GMDS: variants seen among roughly 807,000 people sequenced by gnomAD.
GMDS encodes the protein GDP-mannose 4,6-dehydratase.
In GMDS, 20 loss-of-function variants were observed where a neutral mutation model predicts 49.9. The observed-to-expected ratio is 0.40, with a 90% CI of 0.28 to 0.58. The LOEUF is 0.58. Ranked by LOEUF, GMDS falls within the 20% of genes least tolerant of loss-of-function variation. The pLI, the probability that GMDS is intolerant of heterozygous loss-of-function variation, is 0.42. For synonymous variants in GMDS, 177 were observed against 178.6 expected, an observed-to-expected ratio of 0.99 and a Z score of 0.07; for missense variants, 362 against 481.4, an observed-to-expected ratio of 0.75 and a Z score of 2.32.
At chr6:2,072,964 G>C (rs568648630) in intron 4 of GMDS, among the ~76,000 whole-genome samples, 3 of 152,174 alleles carry the variant, frequency 2.0e-5, no homozygotes, top group Non-Finnish European at 4.4e-5. Flanking sequence ...TTCATTAATA[G>C]ACTATTTTCT....
chr6:2,125,534 G>A (rs768002856), intron 1 of GMDS, among the ~76,000 whole-genome samples: 3 of 152,094 alleles, frequency 2.0e-5, no homozygotes, highest in Non-Finnish European at 4.4e-5. Context: ...TTCGAGGCTG[G>A]AGTAAGCCAT....
At chr6:1,638,883 C>T (rs772485443) in intron 9 of GMDS, among the ~76,000 whole-genome samples, 2 of 152,158 alleles carry the variant, frequency 1.3e-5, no homozygotes, top group Admixed American at 6.5e-5. Context: ...TCTGGAGGTA[C>T]ATAAAGACTT....
intron 1 of GMDS, among the ~76,000 whole-genome samples, chr6:2,193,881 G>A (rs952508643): frequency 9.9e-5 from 15 of 151,724 alleles, no homozygotes; most frequent in Middle Eastern, 3.4e-3. Context: ...CCACCACCAC[G>A]CCCAGCTAAT....
intron 9 of GMDS, among the ~76,000 whole-genome samples, chr6:1,668,888 C>G (rs1438171348): frequency 6.6e-6 from 1 of 152,210 alleles, no homozygotes; most frequent in Non-Finnish European, 1.5e-5. Context: ...CTGGCCAAAT[C>G]AGAGAAGTAC....
intron 9 of GMDS, among the ~76,000 whole-genome samples, chr6:1,687,624 C>T (rs1561729097): frequency 1.3e-5 from 2 of 152,072 alleles, no homozygotes; most frequent in African/African-American, 4.8e-5. Flanking sequence ...TGGACAGGGC[C>T]CTTAGCCATG....
chr6:1,915,404 G>A (rs549640701), intron 7 of GMDS, among the ~76,000 whole-genome samples: 1 of 152,342 alleles, frequency 6.6e-6, no homozygotes, highest in South Asian at 2.1e-4. Context: ...GCTGAGTGCT[G>A]AGCCTGAGCA....
intron 4 of GMDS, among the ~76,000 whole-genome samples, chr6:1,999,984 T>TATATATAAA (rs1766628472): frequency 1.8e-4 from 2 of 11,094 alleles, no homozygotes; most frequent in African/African-American, 6.0e-4. Context: ...ATATATATTT[T>TATATATAAA]ATATATATAT....
chr6:2,027,401 C>T (rs762981057), intron 4 of GMDS, among the ~76,000 whole-genome samples: 2 of 152,116 alleles, frequency 1.3e-5, no homozygotes, highest in African/African-American at 2.4e-5. Flanking sequence ...GTTTAGCATG[C>T]TCAGAAAGGG....
At position 1,992,674 on chromosome 6, in the gene GMDS, A is replaced by G. The variant is rs576770915; in HGVS notation, c.346-31708T>C. ...CTAGCACTCCCAATCCTTGGCCTAC[A>G]GGATTCATCATCTTCTAAAAGAATA... On this transcript the variant is annotated intron_variant, in intron 4 of 10. Coordinates refer to ENST00000380815, the MANE Select transcript of GMDS (RefSeq NM_001500.4). Among the ~76,000 whole-genome samples the G allele has an allele frequency of 6.6e-5, 10 of 152,272 alleles. No individual in the cohort carries two copies. The East Asian group carries it at 1.2e-3, about 18-fold the overall frequency.
chr6:1,793,503 G>C (rs555697144), intron 7 of GMDS, among the ~76,000 whole-genome samples: 9 of 152,168 alleles, frequency 5.9e-5, no homozygotes, highest in Non-Finnish European at 1.3e-4. Flanking sequence ...AGATGTCCAT[G>C]GACTTGATGA....
chr6:1,719,070 A>G (rs1766274971), intron 9 of GMDS, among the ~76,000 whole-genome samples: 1 of 152,184 alleles, frequency 6.6e-6, no homozygotes, highest in African/African-American at 2.4e-5. Context: ...GCTATTAAGG[A>G]CAGTTCCTAT....
intron 9 of GMDS, among the ~76,000 whole-genome samples, chr6:1,680,327 A>G (rs763299860): frequency 6.6e-6 from 1 of 152,224 alleles, no homozygotes; most frequent in Non-Finnish European, 1.5e-5. Context: ...CTAAGTCATC[A>G]GGTTAATGAA....
chr6:1,956,034 CCAACCTGCCAAAGCACTT>C (rs1763618232), intron 6 of GMDS, among the ~76,000 whole-genome samples: 1 of 152,178 alleles, frequency 6.6e-6, no homozygotes, highest in South Asian at 2.1e-4. Context: ...CAACAGAACC[CCAACCTGCCAAAGCACTT>C]CAGAATTCTG....
intron 7 of GMDS, among the ~76,000 whole-genome samples, chr6:1,886,103 C>T (rs1007238441): frequency 2.0e-5 from 3 of 152,262 alleles, no homozygotes; most frequent in East Asian, 1.9e-4. Context: ...TTCCTCCTCC[C>T]GTCCTCCCAA....
intron 7 of GMDS, among the ~76,000 whole-genome samples, chr6:1,848,610 G>A (rs1024330399): frequency 3.3e-5 from 5 of 152,216 alleles, no homozygotes; most frequent in Admixed American, 2.6e-4. Flanking sequence ...GCTAATGTTT[G>A]AGTAAAAGAT....
At chr6:1,691,190 T>C (rs187459021) in intron 9 of GMDS, among the ~76,000 whole-genome samples, 85 of 152,260 alleles carry the variant, frequency 5.6e-4, no homozygotes, top group African/African-American at 1.9e-3. Context: ...TAAAAAGGAA[T>C]GAGTTCATGT....
chr6:2,081,214 A>G (rs1483447029), intron 4 of GMDS, among the ~76,000 whole-genome samples: 1 of 152,180 alleles, frequency 6.6e-6, no homozygotes, highest in African/African-American at 2.4e-5. Context: ...TGGAAAAAAA[A>G]ACAAAACAAA....
intron 6 of GMDS, among the ~76,000 whole-genome samples, chr6:1,932,910 T>A (rs554816172): frequency 6.6e-6 from 1 of 152,356 alleles, no homozygotes; most frequent in South Asian, 2.1e-4. Flanking sequence ...ATTCATTCAT[T>A]TAAAGCATAT....
chr6:1,687,467 A>C (rs897760361), intron 9 of GMDS, among the ~76,000 whole-genome samples: 1 of 151,978 alleles, frequency 6.6e-6, no homozygotes, highest in Non-Finnish European at 1.5e-5. Flanking sequence ...TCTGAATTTC[A>C]GCCCAGAACG....
Sources: gnomAD v4.1 joint callset for allele counts (sites outside exome capture counted in the v4.1 genomes callset) on GRCh38, gnomAD v4.1.1 for gene constraint, MANE v1.5 for transcripts, NCBI Gene and HGNC (gene_info 2026-07-23, HGNC 2026-07-21) for gene names.